The following BICD2 variants were observed in gnomAD, a reference collection of about 807,000 sequenced individuals.
The protein encoded by BICD2 is protein bicaudal D homolog 2.
BICD2 carries 25 observed loss-of-function variants against 72.9 expected under a neutral mutation model. The observed-to-expected ratio is 0.34, with a 90% CI of 0.25 to 0.48. BICD2 has a LOEUF of 0.48. Among genes scored for constraint, BICD2 ranks in the 20% least tolerant of loss-of-function variants. The pLI is 0.99. For missense variants in BICD2, 894 were observed against 1,175.2 expected (o/e 0.76, Z 3.50); for synonymous variants, 501 against 516.1 (o/e 0.97, Z 0.40).
chr9:92,715,981 C>T (rs10992431), intron 6 of BICD2, among the ~76,000 whole-genome samples: 42,814 of 152,036 alleles, frequency 0.28, 7,049 homozygotes, highest in East Asian at 0.76. Flanking sequence ...CAAGGAACCA[C>T]GTGTGTGGAC....
chr9:92,756,701 T>C (rs1182717895), intron 1 of BICD2, among the ~76,000 whole-genome samples: 1 of 151,378 alleles, frequency 6.6e-6, no homozygotes. Flanking sequence ...ACCCTGTCTC[T>C]ACTAAAAATA....
chr9:92,741,526 A>G (rs1853896883), intron 1 of BICD2, among the ~76,000 whole-genome samples: 1 of 152,202 alleles, frequency 6.6e-6, no homozygotes. Flanking sequence ...CTTTCACCAT[A>G]ATTTAGCCTG....
At chr9:92,737,379 G>T (rs1234218220) in intron 1 of BICD2, among the ~76,000 whole-genome samples, 1 of 152,134 alleles carries the variant, frequency 6.6e-6, no homozygotes, top group African/African-American at 2.4e-5. Context: ...CTGCCTTTCG[G>T]ATGCCCAAGA....
At chr9:92,753,588 G>A (rs959787820) in intron 1 of BICD2, among the ~76,000 whole-genome samples, 1 of 151,820 alleles carries the variant, frequency 6.6e-6, no homozygotes, top group African/African-American at 2.4e-5. Flanking sequence ...GCCCAGGCTG[G>A]AGTGCAGTGG....
At chr9:92,730,644 C>T (rs1186583755) in intron 1 of BICD2, among the ~76,000 whole-genome samples, 7 of 152,162 alleles carry the variant, frequency 4.6e-5, no homozygotes, top group African/African-American at 1.7e-4. Flanking sequence ...GTGACATGTG[C>T]TGTGATGTAT....
rs1191253753 is a variant in BICD2 at position 92,764,044 on chromosome 9, C to T, written c.240+461G>A. ...CGCCCAGAGAGGGGAAGTGCTTTCT[C>T]TGAAGGTGACAGAGCCGCAGCCACC... On this transcript the variant is annotated intron_variant, in intron 1 of 6. Transcript: ENST00000356884. This position sits in a 1 kb window ranked among gnomAD's most constrained non-coding sequence, Gnocchi z 5.5. 2.0e-5 allele frequency among the ~76,000 whole-genome samples: 3 copies of T among 152,208 alleles called. No homozygotes were observed. The highest frequency in any genetic ancestry group is 4.4e-5 in the Non-Finnish European group (3 of 68,028).
chr9:92,720,854 C>T lies in BICD2; in HGVS notation c.607-99G>A. 3 of 1,290,380 alleles carry T rather than the reference C, an allele frequency of 2.3e-6. No homozygotes were observed. Among genetic ancestry groups the T allele is most frequent in the Non-Finnish European group, 3.2e-6 (3 of 950,782 alleles). The allele number at this position is 1,290,380 out of a possible 1,614,324, so 79.9% of individuals were successfully genotyped here. On this transcript the variant is annotated intron_variant, in intron 3 of 6. Transcript: ENST00000356884. This position sits in a 1 kb window ranked among gnomAD's most constrained non-coding sequence, Gnocchi z 5.4. ...CACACCAGCACACCAACTCCGGCCACTATGAAGCAAAAGATGAAGCGCCAG... is the reference window on the plus strand; with the variant it reads ...CACACCAGCACACCAACTCCGGCCATTATGAAGCAAAAGATGAAGCGCCAG...
At position 92,758,377 on chromosome 9, in the gene BICD2, C is replaced by T. The variant is rs1434739735; in HGVS notation, c.240+6128G>A. Among the ~76,000 whole-genome samples, 5 of 149,036 alleles carry T rather than the reference C, an allele frequency of 3.4e-5. No individual in the cohort carries two copies. In the Admixed American group the frequency reaches 3.4e-4, roughly 10 times the overall value. ...GACCAGCCTGGCTAACATGGAGAAA[C>T]CTCGTCTCTACTAAAAATACAAAAA... On this transcript the variant is annotated intron_variant, in intron 1 of 6. Transcript: ENST00000356884.
chr9:92,737,891 T>C (rs1033875425), intron 1 of BICD2, among the ~76,000 whole-genome samples: 1 of 152,052 alleles, frequency 6.6e-6, no homozygotes, highest in Admixed American at 6.6e-5. Context: ...AAGCAAAAGG[T>C]AGGACAAGGT....
In BICD2 at chr9:92,729,112, T is replaced by C. The variant is rs1477596230; in HGVS notation, c.365A>G (p.Gln122Arg). 12 of 1,614,146 alleles carry C rather than the reference T, an allele frequency of 7.4e-6. No individual in the cohort carries two copies. Among genetic ancestry groups the C allele is most frequent in the African/African-American group, 6.7e-5 (5 of 74,940 alleles). The change falls in exon 2 of 7, where the codon CAG becomes CGG. Residue 122 changes from glutamine to arginine, a missense_variant. Gln to Arg is a conservative substitution (Grantham distance 43, BLOSUM62 1). Coordinates refer to ENST00000356884, the MANE Select transcript of BICD2 (RefSeq NM_001003800.2). ...ATTGCGCAACTGCTTCAGCTCCGTC[T>C]GCAGCTCTAGCACCTTCCGCACGTA... The part of the protein sequence containing the change: ...QYYVRKVLEL[Q>R]TELKQLRNVL...
chr9:92,718,937 C>G lies in BICD2; in HGVS notation c.1708G>C (p.Gly570Arg). Residue 570 changes from glycine (G) to arginine (R), a missense_variant, in exon 5 of 7, where the codon GGG becomes CGG. Physicochemically the swap from Gly to Arg is moderately radical, Grantham distance 125. This residue lies in a region of BICD2 where 321 missense variants were observed against 443.9 expected (regional missense o/e 0.72). Coordinates refer to ENST00000356884, the MANE Select transcript of BICD2 (RefSeq NM_001003800.2). ...CGCGCCTCGGGGCTGGTGCGGCCCC[C>G]GGGACTGGTGCGGCCGGCCCCGCCC... is the stretch of plus-strand genomic sequence containing the variant. The part of the protein sequence containing the change: ...GQGGAGRTSP[G>R]GRTSPEARGR... 6.2e-7 allele frequency: 1 copy of G among 1,608,742 alleles called. No homozygotes were observed. Among genetic ancestry groups the G allele is most frequent in the South Asian group, 1.1e-5 (1 of 90,960 alleles).
chr9:92,711,394 T>G lies in BICD2; in HGVS notation c.*3760A>C, dbSNP rs974039838. On this transcript the variant is annotated 3_prime_UTR_variant, in exon 7 of 7. Coordinates refer to ENST00000356884, the MANE Select transcript of BICD2 (RefSeq NM_001003800.2). ...TTGTCTTTTTATTATTCTTTATTGG[T>G]CCTACCAATGTGACTCTTTACCCAG... 6.6e-6 allele frequency: 1 copy of G among 152,574 alleles called. No homozygotes were observed. Among genetic ancestry groups the G allele is most frequent in the Admixed American group, 6.5e-5 (1 of 15,274 alleles). 9.5% of individuals were successfully genotyped at this position (152,574 alleles called of 1,614,324 possible).
chr9:92,716,109 G>A (rs890281909), intron 6 of BICD2, among the ~76,000 whole-genome samples: 3 of 152,208 alleles, frequency 2.0e-5, no homozygotes, highest in South Asian at 2.1e-4. Flanking sequence ...GACAAAGGGC[G>A]GGTTAAATCC....
chr9:92,758,658 C>T (rs1346551994), intron 1 of BICD2, among the ~76,000 whole-genome samples: 1 of 151,764 alleles, frequency 6.6e-6, no homozygotes, highest in African/African-American at 2.4e-5. Flanking sequence ...CGAGACCAGC[C>T]TGACCAACAT....
intron 2 of BICD2, among the ~76,000 whole-genome samples, chr9:92,727,650 C>T (rs1185166807): frequency 2.6e-5 from 4 of 152,218 alleles, no homozygotes; most frequent in African/African-American, 9.6e-5. Context: ...GGGACCATCC[C>T]ACCTCCATCT....
chr9:92,713,800 G>A lies in BICD2; in HGVS notation c.*1354C>T, dbSNP rs1853243617. 8.6e-7 allele frequency: 1 copy of A among 1,165,154 alleles called. No homozygotes were observed. Among genetic ancestry groups the A allele is most frequent in the Non-Finnish European group, 1.1e-6 (1 of 936,290 alleles). The allele number at this position is 1,165,154 out of a possible 1,614,324, so 72.2% of individuals were successfully genotyped here. ...CATGGGCGTGTCCTGGAGTCTGGAG[G>A]GGACCGAAACATACTCGGCACCAAA... On this transcript the variant is annotated 3_prime_UTR_variant, in exon 7 of 7. Coordinates refer to ENST00000356884, the MANE Select transcript of BICD2 (RefSeq NM_001003800.2).
At chr9:92,730,341 T>C (rs188766113) in intron 1 of BICD2, among the ~76,000 whole-genome samples, 24 of 152,386 alleles carry the variant, frequency 1.6e-4, no homozygotes, top group Admixed American at 7.8e-4. Context: ...TTCACTCATT[T>C]ACTATTTAAT....
At chr9:92,754,728 CAT>C (rs764903768) in intron 1 of BICD2, among the ~76,000 whole-genome samples, 1 of 152,222 alleles carries the variant, frequency 6.6e-6, no homozygotes, top group Non-Finnish European at 1.5e-5. Context: ...AATCTCTAAA[CAT>C]AAATTGTGAA....
intron 1 of BICD2, among the ~76,000 whole-genome samples, chr9:92,744,930 A>C (rs1853978310): frequency 6.6e-6 from 1 of 152,264 alleles, no homozygotes. Context: ...CATGCACTTA[A>C]AATCTATACA....
Sources: allele counts gnomAD v4.1 joint callset (sites outside exome capture counted in the v4.1 genomes callset), GRCh38; gene constraint gnomAD v4.1.1; regional missense constraint gnomAD v4.1.1; non-coding constraint Gnocchi (gnomAD v3.1); transcripts MANE v1.5; gene names NCBI Gene and HGNC (gene_info 2026-07-23, HGNC 2026-07-21).